Variants in NACC2 observed in about 807,000 individuals in gnomAD.
The protein encoded by NACC2 is nucleus accumbens-associated protein 2.
In NACC2, 8 loss-of-function variants were observed where a neutral mutation model predicts 25.1. The observed-to-expected ratio is 0.32, with a 90% CI of 0.19 to 0.57. The LOEUF (loss-of-function observed/expected upper bound fraction) is 0.57. Ranked by LOEUF, NACC2 falls within the 20% of genes least tolerant of loss-of-function variation. The probability of loss-of-function intolerance (pLI) is 0.89; values close to 1 mark genes in which losing one functional copy is unlikely to be tolerated. For synonymous variants in NACC2, 435 were observed against 294.7 expected (o/e 1.48, Z -4.88); for missense variants, 644 against 650.2 (o/e 0.99, Z 0.10).
chr9:136,015,249 G>A (rs1840182472), intron 3 of NACC2, among the ~76,000 whole-genome samples: 1 of 152,200 alleles, frequency 6.6e-6, no homozygotes, highest in Non-Finnish European at 1.5e-5. Flanking sequence ...GAAGCACCAG[G>A]GCCCGCGTGG....
chr9:136,023,224 A>G (rs1840325261), intron 2 of NACC2, among the ~76,000 whole-genome samples: 1 of 150,618 alleles, frequency 6.6e-6, no homozygotes, highest in Non-Finnish European at 1.5e-5. Context: ...CCATGCCCAC[A>G]CTCATGGGTG....
chr9:136,013,137 C>T lies in NACC2; in HGVS notation c.1255+62G>A. The T allele has an allele frequency of 6.8e-7, 1 of 1,480,964 alleles. No homozygotes were observed. The highest frequency in any genetic ancestry group is 9.3e-7 in the Non-Finnish European group (1 of 1,073,484). 91.7% of individuals were successfully genotyped at this position (1,480,964 alleles called of 1,614,324 possible). ...CACCCCCGCGGCCCACCCAGTCCTC[C>T]TCAGGCTGGGATCTGAACCCAGCCC... On this transcript the variant is annotated intron_variant, in intron 5 of 5. Transcript: ENST00000277554. This position sits in a 1 kb window ranked among gnomAD's most constrained non-coding sequence, Gnocchi z 6.6.
At chr9:136,069,148 T>A (rs1416200149) in intron 1 of NACC2, among the ~76,000 whole-genome samples, 1 of 146,644 alleles carries the variant, frequency 6.8e-6, no homozygotes, top group Admixed American at 6.7e-5. Flanking sequence ...CCTTGTGATC[T>A]GCCCGCCTCG....
chr9:136,042,867 GACAAACAGAC>G (rs1162134834), intron 2 of NACC2, among the ~76,000 whole-genome samples: 2 of 122,012 alleles, frequency 1.6e-5, no homozygotes, highest in Non-Finnish European at 3.5e-5. Context: ...GAGACACAGA[GACAAACAGAC>G]ACACACACAG....
At chr9:136,049,592 C>T (rs1395082431) in intron 2 of NACC2, 44 bp downstream of exon 2, 22 of 744,490 alleles carry the variant, frequency 3.0e-5, no homozygotes, top group Non-Finnish European at 4.8e-5. Context: ...AGGCAGGCCC[C>T]GCTTCCCAGC....
At chr9:136,080,031 G>A (rs1298348441) in intron 1 of NACC2, among the ~76,000 whole-genome samples, 1 of 152,198 alleles carries the variant, frequency 6.6e-6, no homozygotes, top group Admixed American at 6.5e-5. Flanking sequence ...TGACCTGATA[G>A]CCCACACCCT....
In NACC2 at chr9:136,049,726, C is replaced by G; in HGVS notation, c.796G>C (p.Glu266Gln). 2.6e-6 allele frequency: 2 copies of G among 779,150 alleles called. No homozygotes were observed. Among genetic ancestry groups the G allele is most frequent in the Non-Finnish European group, 4.8e-6 (2 of 417,464 alleles). The allele number at this position is 779,150 out of a possible 1,614,324, so 48.3% of individuals were successfully genotyped here. ...TTDSPTSYHN[E>Q]EDEEDDEAYD... ...GCCTCGTCGTCCTCCTCGTCCTCCT[C>G]GTTGTGGTACGAGGTGGGGCTGTCG... Residue 266 changes from glutamate (E) to glutamine (Q), a missense_variant, in exon 2 of 6, where the codon GAG becomes CAG. Glu to Gln is a conservative substitution (Grantham distance 29). Transcript: ENST00000277554.
intron 5 of NACC2, among the ~76,000 whole-genome samples, chr9:136,012,803 C>G (rs939693130): frequency 2.0e-5 from 3 of 152,218 alleles, no homozygotes; most frequent in Non-Finnish European, 4.4e-5. Context: ...CCGGGGGCGG[C>G]GGTCTGCCCT....
chr9:136,033,465 G>GAAACCCCTACT (rs11273841), intron 2 of NACC2, among the ~76,000 whole-genome samples: 44,794 of 151,110 alleles, frequency 0.3, 8,736 homozygotes, highest in Non-Finnish European at 0.44. Context: ...CGAACATGGT[G>GAAACCCCTACT]AAACCCCTAC....
chr9:136,085,125 T>C (rs12380336), intron 1 of NACC2, among the ~76,000 whole-genome samples: 34,709 of 145,062 alleles, frequency 0.24, 5,267 homozygotes, highest in Middle Eastern at 0.43. Context: ...ATAGGAAGAC[T>C]CCATTTCTAC....
At chr9:136,075,873 C>T (rs1030241659) in intron 1 of NACC2, among the ~76,000 whole-genome samples, 2 of 152,190 alleles carry the variant, frequency 1.3e-5, no homozygotes, top group East Asian at 1.9e-4. Context: ...CTGCTGAAAA[C>T]GGAACCCAGG....
rs1251097441 is a variant in NACC2 at position 136,055,379 on chromosome 9, C to A, written c.-59-4799G>T. Reference sequence around the variant, plus strand: ...GGCATCAAGTACCCAGGAGCAGAGGCTCTGGCAGGTACAAGACCCCTGAAA... The same window carrying A: ...GGCATCAAGTACCCAGGAGCAGAGGATCTGGCAGGTACAAGACCCCTGAAA... On this transcript the variant is annotated intron_variant, in intron 1 of 5. Coordinates refer to ENST00000277554, the MANE Select transcript of NACC2 (RefSeq NM_144653.5). The surrounding 1 kb of genome is among the most constrained non-coding windows in gnomAD (Gnocchi z 4.9). 2.6e-5 allele frequency among the ~76,000 whole-genome samples: 4 copies of A among 152,150 alleles called. No homozygotes were observed. The highest frequency in any genetic ancestry group is 1.3e-4 in the Admixed American group (2 of 15,282).
chr9:136,013,727 G>C lies in NACC2; in HGVS notation c.1157+137C>G. 1.4e-6 allele frequency: 1 copy of C among 729,218 alleles called. No homozygotes were observed. Among genetic ancestry groups the C allele is most frequent in the South Asian group, 1.9e-5 (1 of 52,788 alleles). 45.2% of individuals were successfully genotyped at this position (729,218 alleles called of 1,614,324 possible). ...GGAGCCTCTCCACCGTCCTGGGGCC[G>C]ACCGGCCACGGCTGAAGTCAGGAAT... On this transcript the variant is annotated intron_variant, in intron 4 of 5. Coordinates refer to ENST00000277554, the MANE Select transcript of NACC2 (RefSeq NM_144653.5). The surrounding 1 kb of genome is among the most constrained non-coding windows in gnomAD (Gnocchi z 6.6).
chr9:136,064,796 G>A (rs980575569), intron 1 of NACC2, among the ~76,000 whole-genome samples: 1 of 152,186 alleles, frequency 6.6e-6, no homozygotes, highest in African/African-American at 2.4e-5. Context: ...AGTTAGAGCA[G>A]TCATACTTCC....
At chr9:136,070,245 C>A (rs1360229502) in intron 1 of NACC2, among the ~76,000 whole-genome samples, 1 of 151,836 alleles carries the variant, frequency 6.6e-6, no homozygotes, top group South Asian at 2.1e-4. Flanking sequence ...TGGTGGCTCA[C>A]GCCTGTAATC....
rs180754759 is a variant in NACC2 at position 136,008,435 on chromosome 9, G to C, written c.*3081C>G. The C allele has an allele frequency of 1.6e-4, 25 of 152,392 alleles. No homozygotes were observed. The highest frequency in any genetic ancestry group is 5.8e-4 in the African/African-American group (24 of 41,578). The allele number at this position is 152,392 out of a possible 1,614,324, so 9.4% of individuals were successfully genotyped here. A position where few individuals can be genotyped will look rare whatever the true frequency, so the allele number is the denominator to read the frequency against. ...CCTCCTCAAAAGGTGTGGAGATAAC[G>C]TAGCTCTGTAATAGATTCTATATAG... On this transcript the variant is annotated 3_prime_UTR_variant, in exon 6 of 6. Coordinates refer to ENST00000277554, the MANE Select transcript of NACC2 (RefSeq NM_144653.5).
chr9:136,053,298 G>A (rs1238546298), intron 1 of NACC2, among the ~76,000 whole-genome samples: 4 of 152,226 alleles, frequency 2.6e-5, no homozygotes, highest in African/African-American at 7.2e-5. Flanking sequence ...GAATGGGGAC[G>A]GGAAGAGATC....
At chr9:136,036,315 G>A (rs1840553033) in intron 2 of NACC2, among the ~76,000 whole-genome samples, 1 of 152,086 alleles carries the variant, frequency 6.6e-6, no homozygotes, top group African/African-American at 2.4e-5. Flanking sequence ...ACTTGGAGAT[G>A]CTCAACAATG....
chr9:136,038,482 G>A (rs1840585745), intron 2 of NACC2, among the ~76,000 whole-genome samples: 2 of 152,224 alleles, frequency 1.3e-5, no homozygotes, highest in African/African-American at 2.4e-5. Flanking sequence ...AGAGGGTATA[G>A]TGAGTTGAGA....
Sources: gnomAD v4.1 joint callset for allele counts (sites outside exome capture counted in the v4.1 genomes callset) on GRCh38, gnomAD v4.1.1 for gene constraint, Gnocchi (gnomAD v3.1) non-coding constraint, MANE v1.5 for transcripts, NCBI Gene and HGNC (gene_info 2026-07-23, HGNC 2026-07-21) for gene names.